Variants in ATP13A4 observed in about 807,000 individuals in gnomAD.
The protein encoded by ATP13A4 is probable cation-transporting ATPase 13A4.
A neutral mutation model predicts 142.5 loss-of-function variants in ATP13A4; 114 were observed. The observed-to-expected ratio is 0.80, with a 90% confidence interval of 0.69 to 0.93. ATP13A4 has a LOEUF of 0.93. ATP13A4 is among the 40% of genes least tolerant of loss of function. The pLI, the probability that ATP13A4 is intolerant of heterozygous loss-of-function variation, is 0.00. For synonymous variants in ATP13A4, 488 were observed against 514.8 expected (o/e 0.95, Z 0.70); for missense variants, 1,392 against 1,454.0 (o/e 0.96, Z 0.69).
In ATP13A4 at chr3:193,429,803, A is replaced by G. The variant is rs140345150; in HGVS notation, c.2842+4042T>C. Reference sequence around the variant, plus strand: ...TATATAATTTTACCACAAGAAAAAAATTAAAATGAAAATAAGATGCACTAT... The same window carrying G: ...TATATAATTTTACCACAAGAAAAAAGTTAAAATGAAAATAAGATGCACTAT... On this transcript the variant is annotated intron_variant, in intron 25 of 29. Coordinates refer to ENST00000342695, the MANE Select transcript of ATP13A4 (RefSeq NM_032279.4). Among the ~76,000 whole-genome samples, 26 of 152,208 alleles carry G rather than the reference A, an allele frequency of 1.7e-4. No individual in the cohort carries two copies. The East Asian group carries it at 4.8e-3, about 28-fold the overall frequency.
At chr3:193,555,093 C>T (rs1213578742), upstream of ATP13A4, 2 of 527,430 alleles carry the variant, frequency 3.8e-6, no homozygotes, top group Non-Finnish European at 6.4e-6. Flanking sequence ...TCTTTTTGTG[C>T]CCAACTTACA....
At chr3:193,445,171 C>T (rs901864764) in intron 18 of ATP13A4, among the ~76,000 whole-genome samples, 1 of 152,168 alleles carries the variant, frequency 6.6e-6, no homozygotes, top group Non-Finnish European at 1.5e-5. Context: ...GGCGCAGTGG[C>T]TCACACCTGT....
chr3:193,535,423 T>C (rs1032593029), intron 1 of ATP13A4, among the ~76,000 whole-genome samples: 1 of 151,900 alleles, frequency 6.6e-6, no homozygotes, highest in Non-Finnish European at 1.5e-5. Context: ...AACACACTTT[T>C]GAATAATTCA....
intron 1 of ATP13A4, among the ~76,000 whole-genome samples, chr3:193,533,364 T>A (rs776043373): frequency 1.8e-4 from 28 of 152,060 alleles, no homozygotes; most frequent in Middle Eastern, 3.2e-3. Context: ...CTTAGAACAG[T>A]AGAAAGAAGG....
chr3:193,505,741 A>C (rs1420549576), intron 2 of ATP13A4, among the ~76,000 whole-genome samples: 1 of 152,118 alleles, frequency 6.6e-6, no homozygotes, highest in African/African-American at 2.4e-5. Context: ...CCAGCTTTTT[A>C]AGGAAAAAAA....
At chr3:193,549,348 G>A (rs1265814053) in intron 1 of ATP13A4, among the ~76,000 whole-genome samples, 2 of 151,108 alleles carry the variant, frequency 1.3e-5, no homozygotes, top group Non-Finnish European at 2.9e-5. Context: ...CAGGAAACCT[G>A]CTAATACAGC....
At chr3:193,458,663 C>T (rs528878053) in intron 14 of ATP13A4, 9 of 269,578 alleles carry the variant, frequency 3.3e-5, no homozygotes, top group Middle Eastern at 1.2e-3. Flanking sequence ...ACTTATAGTC[C>T]CCGTGAATCT....
chr3:193,559,062 G>C (rs1007255260), upstream of ATP13A4, among the ~76,000 whole-genome samples: 1 of 152,222 alleles, frequency 6.6e-6, no homozygotes, highest in Non-Finnish European at 1.5e-5. Flanking sequence ...CCGTGGGGAT[G>C]CTGATGCTTC....
chr3:193,573,293 A>ACTTATATATATATATATGTG (rs1724319682), intron 2 of ATP13A4, among the ~76,000 whole-genome samples: 1 of 54,140 alleles, frequency 1.8e-5, no homozygotes, highest in Non-Finnish European at 3.3e-5. Flanking sequence ...ATATATACAC[A>ACTTATATATATATATATGTG]TATATATATA....
intron 2 of ATP13A4, among the ~76,000 whole-genome samples, chr3:193,574,302 C>T (rs1442103179): frequency 1.3e-5 from 2 of 152,388 alleles, no homozygotes; most frequent in African/African-American, 4.8e-5. Flanking sequence ...AAGCTCTCCT[C>T]TTTGCAGTTC....
intron 1 of ATP13A4, among the ~76,000 whole-genome samples, chr3:193,542,765 T>C (rs1052571440): frequency 1.3e-5 from 2 of 152,210 alleles, no homozygotes; most frequent in African/African-American, 4.8e-5. Flanking sequence ...CTGGGAAAAC[T>C]GGCTAGCCAT....
At chr3:193,546,696 C>G (rs1002042976) in intron 1 of ATP13A4, among the ~76,000 whole-genome samples, 4 of 152,292 alleles carry the variant, frequency 2.6e-5, no homozygotes, top group Admixed American at 1.3e-4. Flanking sequence ...CCATCAGCAA[C>G]TAAAGTAGCA....
intron 8 of ATP13A4, among the ~76,000 whole-genome samples, chr3:193,482,781 C>T (rs1437887788): frequency 6.6e-6 from 1 of 152,208 alleles, no homozygotes; most frequent in Non-Finnish European, 1.5e-5. Context: ...GCACCTGGAA[C>T]TCTCATACAC....
At chr3:193,483,409 TAA>T (rs1477397643) in intron 8 of ATP13A4, among the ~76,000 whole-genome samples, 1 of 152,196 alleles carries the variant, frequency 6.6e-6, no homozygotes, top group Non-Finnish European at 1.5e-5. Context: ...ATAAGTATGT[TAA>T]GTTTACCAAA....
At chr3:193,497,426 A>G (rs1374499291) in intron 3 of ATP13A4, among the ~76,000 whole-genome samples, 1 of 152,206 alleles carries the variant, frequency 6.6e-6, no homozygotes, top group Non-Finnish European at 1.5e-5. Context: ...GACAAATGCT[A>G]GCAAGGATAT....
Position 193,531,377 on chromosome 3 carries a change from C to T in ATP13A4, c.61-16506G>A, listed in dbSNP as rs139339368. Among the ~76,000 whole-genome samples the T allele has an allele frequency of 3.4e-4, 22 of 64,170 alleles. No individual in the cohort carries two copies. In the East Asian group the frequency reaches 4.2e-3, roughly 12 times the overall value. 42.1% of individuals were successfully genotyped at this position (64,170 alleles called of 152,430 possible). ...GAGGGAGGAGGGAGGGAGGGAGGAG[C>T]GAAGGAGGAGGTAGGGAGGGAAGGG... is the stretch of plus-strand genomic sequence containing the variant. On this transcript the variant is annotated intron_variant, in intron 1 of 29. Transcript: ENST00000342695.
chr3:193,555,053 C>A (rs1327991756), upstream of ATP13A4: 3 of 863,036 alleles, frequency 3.5e-6, no homozygotes, highest in Non-Finnish European at 5.1e-6. Flanking sequence ...CTCAGAGCAG[C>A]TGTCTCAAAG....
At chr3:193,490,619 C>A (rs1485963441) in intron 6 of ATP13A4, among the ~76,000 whole-genome samples, 1 of 152,130 alleles carries the variant, frequency 6.6e-6, no homozygotes, top group Non-Finnish European at 1.5e-5. Flanking sequence ...AGCTGGTTTC[C>A]CTCTCTCTAA....
At chr3:193,556,302 T>C (rs569229968), upstream of ATP13A4, among the ~76,000 whole-genome samples, 72 of 152,300 alleles carry the variant, frequency 4.7e-4, 1 homozygote, top group South Asian at 6.2e-4. Context: ...TCAAGCTACA[T>C]TGGCAATGAT....
Sources: gnomAD v4.1 joint callset for allele counts (sites outside exome capture counted in the v4.1 genomes callset) on GRCh38, gnomAD v4.1.1 for gene constraint, MANE v1.5 for transcripts, NCBI Gene and HGNC (gene_info 2026-07-23, HGNC 2026-07-21) for gene names.